The following SLC22A9 variants were observed in gnomAD, a reference collection of about 807,000 sequenced individuals.
SLC22A9 encodes the protein organic anion transporter 7.
In SLC22A9, 64 loss-of-function variants were observed where a neutral mutation model predicts 50.1. The observed-to-expected ratio is 1.28, with a 90% CI of 1.04 to 1.57. The LOEUF (loss-of-function observed/expected upper bound fraction) is 1.57, where lower values mean the gene tolerates loss of function less well. Among genes scored for constraint, SLC22A9 ranks in the 40% most tolerant of loss-of-function variants. SLC22A9 has a pLI of 0.00. For missense variants in SLC22A9, 757 were observed against 676.1 expected (o/e 1.12, Z -1.33); for synonymous variants, 261 against 242.5 (o/e 1.08, Z -0.71).
At position 63,397,010 on chromosome 11, in the gene SLC22A9, G is replaced by T. The variant is rs538148135; in HGVS notation, c.1074-9487G>T. Among the ~76,000 whole-genome samples the T allele has an allele frequency of 2.0e-5, 3 of 152,194 alleles. No homozygotes were observed. In the South Asian group the frequency reaches 6.2e-4, roughly 32 times the overall value. On this transcript the variant is annotated intron_variant, in intron 6 of 9. Coordinates refer to ENST00000279178, the MANE Select transcript of SLC22A9 (RefSeq NM_080866.3). ...GAGTTTGTTTGTACACATCTTTCTTGGGAAAGTTTTCCATGTATGCAAAGG... is the reference window on the plus strand; with the variant it reads ...GAGTTTGTTTGTACACATCTTTCTTTGGAAAGTTTTCCATGTATGCAAAGG...
chr11:63,402,924 G>T (rs2014975020), intron 6 of SLC22A9, among the ~76,000 whole-genome samples: 1 of 151,970 alleles, frequency 6.6e-6, no homozygotes, highest in African/African-American at 2.4e-5. Flanking sequence ...ATTTTTTGAA[G>T]TTCACACATA....
chr11:63,396,648 G>A (rs760268615), intron 6 of SLC22A9, among the ~76,000 whole-genome samples: 9 of 152,116 alleles, frequency 5.9e-5, no homozygotes, highest in African/African-American at 9.7e-5. Context: ...TAAAATTCAC[G>A]ATGCAAGCCT....
In SLC22A9 at chr11:63,399,563, T is replaced by C. The variant is rs183977674; in HGVS notation, c.1074-6934T>C. Among the ~76,000 whole-genome samples the C allele has an allele frequency of 2.2e-3, 338 of 152,212 alleles. 3 individuals carry two copies. Among genetic ancestry groups the C allele is most frequent in the African/African-American group, 7.6e-3 (317 of 41,554 alleles). On this transcript the variant is annotated intron_variant, in intron 6 of 9. Transcript: ENST00000279178. ...CCTAGATATATAAAGTAAATACTAC[T>C]AGAACTAAAGAGATAGACCCCAGTA...
chr11:63,396,611 G>T (rs928748335), intron 6 of SLC22A9, among the ~76,000 whole-genome samples: 1 of 152,124 alleles, frequency 6.6e-6, no homozygotes, highest in South Asian at 2.1e-4. Context: ...CAGGAATCCC[G>T]TTTTGTTTCT....
chr11:63,387,318 A>G (rs935575018), intron 6 of SLC22A9, among the ~76,000 whole-genome samples: 8 of 152,040 alleles, frequency 5.3e-5, no homozygotes, highest in African/African-American at 1.9e-4. Flanking sequence ...TTATTTTTGT[A>G]TATGGTAAGA....
intron 7 of SLC22A9, among the ~76,000 whole-genome samples, chr11:63,407,130 A>G (rs964758567): frequency 2.0e-5 from 3 of 152,132 alleles, no homozygotes; most frequent in African/African-American, 7.2e-5. Context: ...TTCAGTGACA[A>G]TGTACTCCCT....
At chr11:63,377,322 A>AAAAG (rs747381570) in intron 5 of SLC22A9, among the ~76,000 whole-genome samples, 3 of 151,998 alleles carry the variant, frequency 2.0e-5, no homozygotes, top group African/African-American at 7.2e-5. Context: ...AGCAAATTCA[A>AAAAG]AAAGAAAGAA....
chr11:63,384,373 A>G (rs575169399), intron 6 of SLC22A9, among the ~76,000 whole-genome samples: 2 of 152,274 alleles, frequency 1.3e-5, no homozygotes, highest in East Asian at 3.9e-4. Flanking sequence ...GCTCCCACTT[A>G]TAAGTGAGAA....
At chr11:63,388,208 G>T (rs972059350) in intron 6 of SLC22A9, among the ~76,000 whole-genome samples, 1 of 152,170 alleles carries the variant, frequency 6.6e-6, no homozygotes, top group African/African-American at 2.4e-5. Flanking sequence ...GGGCTATGTT[G>T]AATAACAGAG....
intron 4 of SLC22A9, among the ~76,000 whole-genome samples, chr11:63,374,405 C>T (rs565445813): frequency 1.9e-4 from 29 of 152,154 alleles, no homozygotes; most frequent in African/African-American, 6.7e-4. Flanking sequence ...TAGGAAGTCC[C>T]ATTAAATTCA....
Position 63,396,797 on chromosome 11 carries a change from C to A in SLC22A9, c.1074-9700C>A, listed in dbSNP as rs2507926. Among the ~76,000 whole-genome samples, 79 of 152,136 alleles carry A rather than the reference C, an allele frequency of 5.2e-4. No individual in the cohort carries two copies. The East Asian group carries it at 0.015, about 29-fold the overall frequency. On this transcript the variant is annotated intron_variant, in intron 6 of 9. Transcript: ENST00000279178. ...TGTTATCTTTAATTTCATAGATTTT[C>A]CTCAAAAGAGCCATTCTGAATTCTC...
chr11:63,379,777 G>C (rs1423252705), intron 5 of SLC22A9, among the ~76,000 whole-genome samples: 3 of 152,146 alleles, frequency 2.0e-5, no homozygotes, highest in Admixed American at 2.0e-4. Context: ...TGTCACCCAG[G>C]CTGGAGTGCA....
chr11:63,403,257 A>C (rs189192964), intron 6 of SLC22A9, among the ~76,000 whole-genome samples: 1,643 of 152,234 alleles, frequency 0.011, 9 homozygotes, highest in Non-Finnish European at 0.017. Context: ...AATGTCCTCC[A>C]TAAGACGATT....
chr11:63,370,366 A>G lies in SLC22A9; in HGVS notation c.310A>G (p.Thr104Ala), dbSNP rs1281877770. The change falls in exon 1 of 10, where the codon ACC (threonine) becomes GCC (alanine). Residue 104 changes from threonine to alanine, a missense_variant. Physicochemically the swap from Thr to Ala is moderately conservative, Grantham distance 58 (BLOSUM62 0). Transcript: ENST00000279178. ...GTGGCAGCTCCTTCACCTGAATGGG[A>G]CCTTCCCCAACACAAGTGACGCAGA... ...PQWQLLHLNGTFPNTSDADME... is the reference protein window; with the variant it reads ...PQWQLLHLNGAFPNTSDADME... 2.5e-6 allele frequency: 4 copies of G among 1,613,862 alleles called. No homozygotes were observed. The highest frequency in any genetic ancestry group is 3.4e-6 in the Non-Finnish European group (4 of 1,179,844).
intron 5 of SLC22A9, 91 bp downstream of exon 5, chr11:63,375,859 G>C (rs1371520041): frequency 2.0e-6 from 3 of 1,492,786 alleles, no homozygotes; most frequent in African/African-American, 2.8e-5. Context: ...GGTAAAAAAA[G>C]GAAAGAAACA....
At chr11:63,404,922 A>G (rs1284408903) in intron 6 of SLC22A9, among the ~76,000 whole-genome samples, 1 of 152,124 alleles carries the variant, frequency 6.6e-6, no homozygotes, top group Admixed American at 6.6e-5. Context: ...CACCACAAGA[A>G]GAAGCAAATT....
intron 6 of SLC22A9, among the ~76,000 whole-genome samples, chr11:63,391,995 G>T (rs912090858): frequency 6.6e-6 from 1 of 151,736 alleles, no homozygotes; most frequent in African/African-American, 2.4e-5. Flanking sequence ...TTTTCAATTT[G>T]AGGTTACCAT....
chr11:63,397,993 C>A (rs1473454738), intron 6 of SLC22A9, among the ~76,000 whole-genome samples: 6 of 152,140 alleles, frequency 3.9e-5, no homozygotes, highest in Non-Finnish European at 8.8e-5. Context: ...TATGCCAGGT[C>A]CCACCTGAAG....
At chr11:63,409,535 G>A (rs371346840) in intron 9 of SLC22A9, among the ~76,000 whole-genome samples, 25 of 152,180 alleles carry the variant, frequency 1.6e-4, no homozygotes, top group African/African-American at 6.0e-4. Context: ...GCCACAGGCA[G>A]CCTGTGGGCC....
Sources: allele counts gnomAD v4.1 joint callset (sites outside exome capture counted in the v4.1 genomes callset), GRCh38; gene constraint gnomAD v4.1.1; transcripts MANE v1.5; gene names NCBI Gene and HGNC (gene_info 2026-07-23, HGNC 2026-07-21).